The following TESK2 variants were observed in gnomAD, a reference collection of about 807,000 sequenced individuals.
The protein encoded by TESK2 is dual specificity testis-specific protein kinase 2.
Under a neutral mutation model 57.1 loss-of-function variants are expected in TESK2, and 39 were observed. The observed-to-expected ratio is 0.68, with a 90% CI of 0.53 to 0.89. The LOEUF is 0.89. Ranked by LOEUF, TESK2 falls within the 40% of genes least tolerant of loss-of-function variation. The pLI is 0.00. For synonymous variants in TESK2, 249 were observed against 267.9 expected (o/e 0.93, Z 0.69); for missense variants, 646 against 732.1 (o/e 0.88, Z 1.36).
intron 1 of TESK2, among the ~76,000 whole-genome samples, chr1:45,485,120 G>C (rs1192620452): frequency 6.6e-6 from 1 of 152,062 alleles, no homozygotes; most frequent in African/African-American, 2.4e-5. Context: ...CAAAGTGTTT[G>C]GGAGAGGGCA....
intron 5 of TESK2, among the ~76,000 whole-genome samples, chr1:45,350,556 C>T (rs1027747931): frequency 3.9e-5 from 6 of 152,208 alleles, no homozygotes; most frequent in African/African-American, 1.4e-4. Flanking sequence ...TTAAGAGGTT[C>T]TTTTCATAGC....
At chr1:45,374,890 C>T (rs1258431041) in intron 4 of TESK2, among the ~76,000 whole-genome samples, 1 of 152,156 alleles carries the variant, frequency 6.6e-6, no homozygotes, top group African/African-American at 2.4e-5. Context: ...CAGAGTTATC[C>T]TTGACTTCTC....
intron 2 of TESK2, among the ~76,000 whole-genome samples, chr1:45,440,747 A>T (rs907886328): frequency 3.3e-5 from 5 of 151,896 alleles, no homozygotes; most frequent in East Asian, 1.9e-4. Context: ...AAACAAACAA[A>T]ATATATATAT....
At chr1:45,414,875 T>TG (rs1650175263) in intron 3 of TESK2, 19 of 370,676 alleles carry the variant, frequency 5.1e-5, no homozygotes, top group South Asian at 4.9e-4. Context: ...AAGGTTCTAT[T>TG]GGACAGCAAT....
Position 45,403,882 on chromosome 1 carries a change from G to GAAA in TESK2, c.344+17840_344+17842dup, listed in dbSNP as rs562862639. On this transcript the variant is annotated intron_variant, in intron 3 of 10. Coordinates refer to ENST00000372086, the MANE Select transcript of TESK2 (RefSeq NM_007170.3). ...CATTGCTCAAAACTGCCATGCAAGC[G>GAAA]AAAAAAAAAAAAAAAAACAAGTCTC... Among the ~76,000 whole-genome samples the GAAA allele has an allele frequency of 2.1e-3, 178 of 84,856 alleles. 3 individuals carry two copies. The Middle Eastern group carries it at 0.043, about 21-fold the overall frequency. 55.7% of individuals were successfully genotyped at this position (84,856 alleles called of 152,430 possible).
At chr1:45,415,074 G>A in intron 3 of TESK2, 1 of 1,361,048 alleles carries the variant, frequency 7.3e-7, no homozygotes, top group African/African-American at 1.4e-5. Flanking sequence ...CGAGCCCTTG[G>A]GCCACGTCTC....
At chr1:45,403,025 T>G (rs1055374408) in intron 3 of TESK2, among the ~76,000 whole-genome samples, 1 of 151,342 alleles carries the variant, frequency 6.6e-6, no homozygotes, top group African/African-American at 2.4e-5. Context: ...AGCTCACACC[T>G]GTAATCCCAG....
chr1:45,374,316 A>G (rs568847850), intron 4 of TESK2, among the ~76,000 whole-genome samples: 1 of 152,338 alleles, frequency 6.6e-6, no homozygotes, highest in Non-Finnish European at 1.5e-5. Context: ...GCAGTGAACA[A>G]TAGCCAAGCC....
intron 4 of TESK2, among the ~76,000 whole-genome samples, chr1:45,382,669 A>C (rs1648711856): frequency 2.0e-5 from 3 of 152,116 alleles, no homozygotes; most frequent in African/African-American, 7.2e-5. Flanking sequence ...TCAGGAGTTC[A>C]AGACCAGCCT....
intron 3 of TESK2, among the ~76,000 whole-genome samples, chr1:45,395,613 T>TC (rs1490788650): frequency 1.3e-5 from 2 of 150,910 alleles, no homozygotes; most frequent in African/African-American, 2.4e-5. Context: ...TCTTTTCTTT[T>TC]TTTTTTTTTT....
At chr1:45,459,394 C>A (rs1170287645) in intron 1 of TESK2, among the ~76,000 whole-genome samples, 1 of 152,184 alleles carries the variant, frequency 6.6e-6, no homozygotes, top group African/African-American at 2.4e-5. Context: ...ATGAGATCTA[C>A]CTGAATCTAG....
intron 2 of TESK2, among the ~76,000 whole-genome samples, chr1:45,424,154 A>G (rs1356741671): frequency 6.6e-6 from 1 of 152,238 alleles, no homozygotes; most frequent in Non-Finnish European, 1.5e-5. Flanking sequence ...TGGGAATTCC[A>G]AAAGAAAACA....
rs533549760 is a variant in TESK2 at position 45,449,451 on chromosome 1, T to C, written c.222+8113A>G. On this transcript the variant is annotated intron_variant, in intron 2 of 10. Transcript: ENST00000372086. ...TCAACATATTGAAGCAACCAAGATG[T>C]CCTTCAATAGGTGAGCAGATAAGCT... Among the ~76,000 whole-genome samples, 15 of 151,898 alleles carry C rather than the reference T, an allele frequency of 9.9e-5. No homozygotes were observed. In the East Asian group the frequency reaches 2.9e-3, roughly 29 times the overall value.
At chr1:45,386,228 C>T (rs538876800) in intron 3 of TESK2, among the ~76,000 whole-genome samples, 47 of 151,402 alleles carry the variant, frequency 3.1e-4, no homozygotes, top group African/African-American at 9.9e-4. Flanking sequence ...GCCTGTAGTC[C>T]GAGCTGCTCA....
At chr1:45,483,749 G>C (rs1438511978) in intron 1 of TESK2, among the ~76,000 whole-genome samples, 1 of 151,882 alleles carries the variant, frequency 6.6e-6, no homozygotes, top group Non-Finnish European at 1.5e-5. Context: ...AGTAATTCCA[G>C]CACTTCCGGA....
At chr1:45,469,719 A>G (rs2149303908) in intron 1 of TESK2, among the ~76,000 whole-genome samples, 1 of 152,334 alleles carries the variant, frequency 6.6e-6, no homozygotes, top group South Asian at 2.1e-4. Context: ...ATCACATTCT[A>G]CAGACAGAAA....
At chr1:45,485,178 G>T in intron 1 of TESK2, among the ~76,000 whole-genome samples, 1 of 149,756 alleles carries the variant, frequency 6.7e-6, no homozygotes, top group African/African-American at 2.4e-5. Flanking sequence ...ATTTTTCACT[G>T]TTTTGTTTTT....
At chr1:45,400,481 AT>A (rs1258253372) in intron 3 of TESK2, among the ~76,000 whole-genome samples, 1 of 152,216 alleles carries the variant, frequency 6.6e-6, no homozygotes, top group Non-Finnish European at 1.5e-5. Flanking sequence ...CAGAAAACTA[AT>A]AATAGGTACA....
chr1:45,382,775 C>A (rs539986739), intron 4 of TESK2, among the ~76,000 whole-genome samples: 4 of 152,180 alleles, frequency 2.6e-5, no homozygotes, highest in African/African-American at 9.6e-5. Context: ...GAGGCTGAGG[C>A]AGGAGAATTG....
Sources: gnomAD v4.1 joint callset for allele counts (sites outside exome capture counted in the v4.1 genomes callset) on GRCh38, gnomAD v4.1.1 for gene constraint, MANE v1.5 for transcripts, NCBI Gene and HGNC (gene_info 2026-07-23, HGNC 2026-07-21) for gene names.